Variants in NRIP1 observed in about 807,000 individuals in gnomAD.
The protein encoded by NRIP1 is nuclear receptor interacting protein 1.
In NRIP1, 28 loss-of-function variants were observed where a neutral mutation model predicts 75.0. That is an observed-to-expected ratio of 0.37 (90% CI 0.28 to 0.51). The LOEUF (loss-of-function observed/expected upper bound fraction) is 0.51, where lower values mean the gene tolerates loss of function less well. Among genes scored for constraint, NRIP1 ranks in the 20% least tolerant of loss-of-function variants. The probability of loss-of-function intolerance (pLI) is 0.92; values close to 1 mark genes in which losing one functional copy is unlikely to be tolerated. For synonymous variants in NRIP1, 526 were observed against 487.6 expected (o/e 1.08, Z -1.04); for missense variants, 1,435 against 1,343.7 (o/e 1.07, Z -1.06).
intron 1 of NRIP1, among the ~76,000 whole-genome samples, chr21:15,062,879 A>C (rs1421528547): frequency 6.6e-6 from 1 of 152,220 alleles, no homozygotes; most frequent in Admixed American, 6.5e-5. Flanking sequence ...AGGGTGTTAA[A>C]ATTAGCAAAA....
chr21:15,039,809 C>A (rs1218620560), intron 2 of NRIP1, among the ~76,000 whole-genome samples: 1 of 152,032 alleles, frequency 6.6e-6, no homozygotes, highest in Non-Finnish European at 1.5e-5. Context: ...TCTACTGTTA[C>A]AGATTTTGAT....
In NRIP1 at chr21:15,056,844, A is replaced by C. The variant is rs905269531; in HGVS notation, c.-538+7901T>G. On this transcript the variant is annotated intron_variant, in intron 1 of 3. Coordinates refer to ENST00000318948, the MANE Select transcript of NRIP1 (RefSeq NM_003489.4). Reference sequence around the variant, plus strand: ...GGGAACCACTCAGCTTGAATCTTTTAGGTTCAAAAATTCCATAAATTTTAA... The same window carrying C: ...GGGAACCACTCAGCTTGAATCTTTTCGGTTCAAAAATTCCATAAATTTTAA... Among the ~76,000 whole-genome samples, 35 of 152,140 alleles carry C rather than the reference A, an allele frequency of 2.3e-4. 1 individual carries two copies. Among genetic ancestry groups the C allele is most frequent in the Non-Finnish European group, 1.3e-4 (9 of 68,022 alleles).
chr21:15,016,540 G>A (rs1269107242), intron 2 of NRIP1, among the ~76,000 whole-genome samples: 5 of 152,010 alleles, frequency 3.3e-5, no homozygotes, highest in Non-Finnish European at 7.4e-5. Context: ...CTTGAAAAAA[G>A]ATTATAACCT....
intron 2 of NRIP1, among the ~76,000 whole-genome samples, chr21:15,023,941 A>G (rs758473506): frequency 9.2e-5 from 14 of 152,262 alleles, no homozygotes; most frequent in Non-Finnish European, 1.9e-4. Flanking sequence ...ACATCATTCA[A>G]TAGTGTTGAA....
intron 2 of NRIP1, among the ~76,000 whole-genome samples, chr21:15,016,729 A>T (rs1266713213): frequency 6.6e-6 from 1 of 151,896 alleles, no homozygotes; most frequent in Non-Finnish European, 1.5e-5. Flanking sequence ...CTAAAAATAT[A>T]AAAAAATTAG....
At position 14,967,281 on chromosome 21, in the gene NRIP1, C is replaced by T. The variant is rs1330636320; in HGVS notation, c.912G>A (p.Leu304=). Residue 304 remains leucine (L), a synonymous_variant, in exon 4 of 4, where the codon TTG becomes TTA. Transcript: ENST00000318948. ...ASERLAAMAR[L]QENGQKDVGS... ...CAACATCCTTCTGGCCATTTTCTTG[C>T]AATCTGGCCATAGCAGCAAGTCTTT... 1 of 1,613,922 alleles carries T rather than the reference C, an allele frequency of 6.2e-7. No individual in the cohort carries two copies. Among genetic ancestry groups the T allele is most frequent in the Non-Finnish European group, 8.5e-7 (1 of 1,179,962 alleles).
chr21:15,024,162 T>C (rs1006020876), intron 2 of NRIP1, among the ~76,000 whole-genome samples: 4 of 152,222 alleles, frequency 2.6e-5, no homozygotes, highest in African/African-American at 7.2e-5. Flanking sequence ...TTAAGATTAA[T>C]AAATTCAAAT....
intron 2 of NRIP1, among the ~76,000 whole-genome samples, chr21:15,039,132 C>T (rs1175430452): frequency 6.6e-6 from 1 of 152,080 alleles, no homozygotes; most frequent in Non-Finnish European, 1.5e-5. Flanking sequence ...AATGCAAGGA[C>T]TTTAGTTTTA....
intron 3 of NRIP1, among the ~76,000 whole-genome samples, chr21:14,984,451 C>A (rs752989719): frequency 1.3e-5 from 2 of 150,842 alleles, no homozygotes; most frequent in Non-Finnish European, 2.9e-5. Context: ...GCATGAGCCA[C>A]TACACCGAGC....
At position 15,009,011 on chromosome 21, in the gene NRIP1, T is replaced by C. The variant is rs550392466; in HGVS notation, c.-335+5333A>G. Among the ~76,000 whole-genome samples, 9 of 152,338 alleles carry C rather than the reference T, an allele frequency of 5.9e-5. No individual in the cohort carries two copies. The South Asian group carries it at 1.0e-3, about 18-fold the overall frequency. On this transcript the variant is annotated intron_variant, in intron 3 of 3. Transcript: ENST00000318948. ...ATAAATAAAAGCTCTCTTGGGTCCT[T>C]GATAATTTAAGAATATAAAGTTGTC... is the stretch of plus-strand genomic sequence containing the variant.
At chr21:15,039,878 G>T (rs535391189) in intron 2 of NRIP1, among the ~76,000 whole-genome samples, 2 of 152,172 alleles carry the variant, frequency 1.3e-5, no homozygotes, top group South Asian at 4.1e-4. Flanking sequence ...CTGGCTAATT[G>T]ATTTATCTGA....
chr21:15,001,326 G>A (rs985658568), intron 3 of NRIP1, among the ~76,000 whole-genome samples: 2 of 152,136 alleles, frequency 1.3e-5, no homozygotes, highest in African/African-American at 4.8e-5. Flanking sequence ...TGTGGCAAGA[G>A]GCTTGGACAA....
At chr21:15,000,999 A>G (rs2087837362) in intron 3 of NRIP1, among the ~76,000 whole-genome samples, 1 of 152,178 alleles carries the variant, frequency 6.6e-6, no homozygotes, top group Non-Finnish European at 1.5e-5. Context: ...TTTTCTATAA[A>G]AGTATCTGCA....
chr21:14,981,072 G>A (rs1424692105), intron 3 of NRIP1, among the ~76,000 whole-genome samples: 6 of 152,164 alleles, frequency 3.9e-5, no homozygotes, highest in African/African-American at 1.4e-4. Flanking sequence ...TGATACCTGT[G>A]AAGAGTCAAT....
intron 3 of NRIP1, chr21:15,002,432 T>C (rs1365515931): frequency 6.6e-6 from 1 of 152,096 alleles, no homozygotes; most frequent in Non-Finnish European, 1.5e-5. Flanking sequence ...TGAGTCAGGG[T>C]TTGAGAGCAG....
intron 3 of NRIP1, among the ~76,000 whole-genome samples, chr21:14,978,172 G>C (rs1011363033): frequency 2.0e-5 from 3 of 152,148 alleles, no homozygotes; most frequent in Admixed American, 2.0e-4. Flanking sequence ...CACTCCTGCG[G>C]GAGTAACTCA....
chr21:15,057,608 A>T (rs2089334764), intron 1 of NRIP1, among the ~76,000 whole-genome samples: 1 of 152,204 alleles, frequency 6.6e-6, no homozygotes, highest in South Asian at 2.1e-4. Context: ...CATGAGTTTT[A>T]TGGCTACCAG....
At chr21:14,969,396 C>T (rs1445590776) in intron 3 of NRIP1, among the ~76,000 whole-genome samples, 4 of 152,126 alleles carry the variant, frequency 2.6e-5, no homozygotes, top group Non-Finnish European at 5.9e-5. Flanking sequence ...TGGAGAATGC[C>T]AAAGACATTT....
chr21:15,042,992 G>A lies in NRIP1; in HGVS notation c.-458+503C>T, dbSNP rs529899721. 9.9e-5 allele frequency among the ~76,000 whole-genome samples: 15 copies of A among 152,252 alleles called. No homozygotes were observed. In the South Asian group the frequency reaches 2.7e-3, roughly 27 times the overall value. On this transcript the variant is annotated intron_variant, in intron 2 of 3. Transcript: ENST00000318948. ...AATGATAATGCAAAGAGAGAATTTC[G>A]CAAATGGATGTTCGGAGGCAAAACC...
Sources: allele counts gnomAD v4.1 joint callset (sites outside exome capture counted in the v4.1 genomes callset), GRCh38; gene constraint gnomAD v4.1.1; transcripts MANE v1.5; gene names NCBI Gene and HGNC (gene_info 2026-07-23, HGNC 2026-07-21).